Variants in PCDHA4 observed in about 807,000 individuals in gnomAD.
PCDHA4 encodes protocadherin alpha 4, also known as protocadherin alpha-4.
Under a neutral mutation model 61.4 loss-of-function variants are expected in PCDHA4, and 49 were observed. The observed-to-expected ratio is 0.80, with a 90% CI of 0.63 to 1.01. PCDHA4 has a LOEUF of 1.01. PCDHA4 is among the 50% of genes least tolerant of loss of function. The pLI, the probability that PCDHA4 is intolerant of heterozygous loss-of-function variation, is 0.00. For missense variants in PCDHA4, 1,254 were observed against 1,235.8 expected (o/e 1.01, Z -0.22); for synonymous variants, 590 against 550.3 (o/e 1.07, Z -1.01).
At chr5:140,829,622 C>G in intron 1 of PCDHA4, 1 of 1,612,190 alleles carries the variant, frequency 6.2e-7, no homozygotes, top group Non-Finnish European at 8.5e-7. Context: ...CATTTCGGTG[C>G]ACGCGGAGAG....
At position 141,011,492 on chromosome 5, in the gene PCDHA4, A is replaced by T. The variant is rs2098420803; in HGVS notation, c.*1555A>T. On this transcript the variant is annotated 3_prime_UTR_variant, in exon 4 of 4. Coordinates refer to ENST00000530339, the MANE Select transcript of PCDHA4 (RefSeq NM_018907.4). ...AATTCCATTATATTTCCTTTTGTAC[A>T]CCTGTGAAAAAGTGGAGTAGTGTTT... The T allele has an allele frequency of 1.3e-5, 2 of 153,698 alleles. No individual in the cohort carries two copies. The highest frequency in any genetic ancestry group is 2.9e-5 in the Non-Finnish European group (2 of 68,026). 9.5% of individuals were successfully genotyped at this position (153,698 alleles called of 1,614,324 possible).
At chr5:140,946,287 A>G (rs1484519782) in intron 1 of PCDHA4, among the ~76,000 whole-genome samples, 1 of 152,032 alleles carries the variant, frequency 6.6e-6, no homozygotes, top group African/African-American at 2.4e-5. Flanking sequence ...ATGAGATATC[A>G]CCTCACACCT....
chr5:140,967,747 A>G (rs782650276), intron 1 of PCDHA4: 36 of 1,614,042 alleles, frequency 2.2e-5, no homozygotes, highest in Non-Finnish European at 3.0e-5. Context: ...ATTATGAGGA[A>G]GCCTCCTCCT....
In PCDHA4 at chr5:140,996,798, A is replaced by G. The variant is rs528740592; in HGVS notation, c.2534-12829A>G. Among the ~76,000 whole-genome samples, 4 of 152,268 alleles carry G rather than the reference A, an allele frequency of 2.6e-5. No individual in the cohort carries two copies. In the East Asian group the frequency reaches 5.8e-4, roughly 22 times the overall value. ...AGTAGTGCCTCACTCCCTACATCCA[A>G]TCATGCTTTCCAAAAGTAACCACTA... On this transcript the variant is annotated intron_variant, in intron 3 of 3. Coordinates refer to ENST00000530339, the MANE Select transcript of PCDHA4 (RefSeq NM_018907.4).
At chr5:140,876,395 T>C (rs1562712555) in intron 1 of PCDHA4, 2 of 1,613,920 alleles carry the variant, frequency 1.2e-6, no homozygotes, top group Non-Finnish European at 8.5e-7. Flanking sequence ...TATGGTGAAC[T>C]GGATTTTGAA....
chr5:140,841,621 G>C (rs781902727), intron 1 of PCDHA4: 2 of 1,614,032 alleles, frequency 1.2e-6, no homozygotes, highest in African/African-American at 1.3e-5. Context: ...GGCGGAGCGC[G>C]GAGTGCAGCA....
intron 1 of PCDHA4, chr5:140,870,744 C>G: frequency 3.7e-6 from 6 of 1,613,474 alleles, no homozygotes; most frequent in Non-Finnish European, 5.1e-6. Flanking sequence ...TGAGCAGCAA[C>G]GTGACGCTGC....
rs2150461190 is a variant in PCDHA4 at position 140,849,977 on chromosome 5, G to C, written c.2385+40405G>C. On this transcript the variant is annotated intron_variant, in intron 1 of 3. Coordinates refer to ENST00000530339, the MANE Select transcript of PCDHA4 (RefSeq NM_018907.4). ...AGAACGCCCTGGTGTCCTACTCGCT[G>C]GTGGAGCGGCGGTTGGGCGAGCGCT... 2.2e-5 allele frequency: 35 copies of C among 1,597,540 alleles called. 4 individuals are homozygous for C. The highest frequency in any genetic ancestry group is 3.0e-5 in the Non-Finnish European group (35 of 1,167,900).
intron 1 of PCDHA4, among the ~76,000 whole-genome samples, chr5:140,917,324 C>CGGGGGGCG (rs1299895515): frequency 1.3e-5 from 1 of 76,124 alleles, no homozygotes; most frequent in Non-Finnish European, 2.9e-5. Context: ...GTTCATGTGG[C>CGGGGGGCG]GGGGGAGGGG....
intron 1 of PCDHA4, chr5:140,824,053 G>A: frequency 6.2e-7 from 1 of 1,614,172 alleles, no homozygotes; most frequent in Non-Finnish European, 8.5e-7. Flanking sequence ...GGTGTGCTCT[G>A]GGGAAGCTCC....
chr5:140,830,034 T>C (rs1581895588), intron 1 of PCDHA4: 2 of 1,613,732 alleles, frequency 1.2e-6, no homozygotes, highest in East Asian at 2.2e-5. Flanking sequence ...CACCGGCTGC[T>C]GGTGCTGGTG....
chr5:140,830,469 A>G, intron 1 of PCDHA4: 1 of 1,570,730 alleles, frequency 6.4e-7, no homozygotes, highest in Non-Finnish European at 8.7e-7. Flanking sequence ...GATTTAAATG[A>G]AGATCATGAT....
chr5:140,809,630 T>C, intron 1 of PCDHA4, 58 bp downstream of exon 1: 1 of 1,506,410 alleles, frequency 6.6e-7, no homozygotes, highest in Non-Finnish European at 8.9e-7. Context: ...ATCAACTTCT[T>C]CGTAAATTTA....
At chr5:140,880,812 G>C (rs782505360) in intron 1 of PCDHA4, among the ~76,000 whole-genome samples, 2 of 152,200 alleles carry the variant, frequency 1.3e-5, no homozygotes, top group Non-Finnish European at 2.9e-5. Flanking sequence ...AATGACTCTA[G>C]AGTGTCTGGA....
chr5:140,842,998 T>G (rs2150349585), intron 1 of PCDHA4: 5 of 1,594,952 alleles, frequency 3.1e-6, no homozygotes, highest in Non-Finnish European at 4.3e-6. Flanking sequence ...TGGACGAGAA[T>G]GACAACGCGC....
chr5:140,875,810 C>T, intron 1 of PCDHA4: 1 of 1,614,106 alleles, frequency 6.2e-7, no homozygotes, highest in Non-Finnish European at 8.5e-7. Context: ...GTGGACAGGC[C>T]GCTGCAGGTT....
At chr5:140,941,666 C>G (rs1029878263) in intron 1 of PCDHA4, among the ~76,000 whole-genome samples, 4 of 152,004 alleles carry the variant, frequency 2.6e-5, no homozygotes, top group Non-Finnish European at 4.4e-5. Context: ...AATTTTATGT[C>G]AAGTTCAATA....
chr5:140,927,486 C>T (rs782314357), intron 1 of PCDHA4: 11 of 1,614,010 alleles, frequency 6.8e-6, no homozygotes, highest in Non-Finnish European at 8.5e-6. Flanking sequence ...AGCGCGCCAC[C>T]CACCTGCTGG....
intron 1 of PCDHA4, chr5:140,866,970 A>T (rs545469392): frequency 6.6e-6 from 1 of 152,296 alleles, no homozygotes; most frequent in African/African-American, 2.4e-5. Flanking sequence ...GTGACATCTG[A>T]AATATCACAG....
Sources: gnomAD v4.1 joint callset for allele counts (sites outside exome capture counted in the v4.1 genomes callset) on GRCh38, gnomAD v4.1.1 for gene constraint, MANE v1.5 for transcripts, NCBI Gene and HGNC (gene_info 2026-07-23, HGNC 2026-07-21) for gene names.